The following CCDC69 variants were observed in gnomAD, a reference collection of about 807,000 sequenced individuals.
CCDC69 encodes the protein coiled-coil domain containing 69, also known as coiled-coil domain-containing protein 69.
A neutral mutation model predicts 40.3 loss-of-function variants in CCDC69; 38 were observed. The observed-to-expected ratio is 0.94, with a 90% confidence interval of 0.73 to 1.24. The LOEUF (loss-of-function observed/expected upper bound fraction) is 1.24. Among genes scored for constraint, CCDC69 ranks in the 50% most tolerant of loss-of-function variants. The probability of loss-of-function intolerance (pLI) is 0.00; values close to 1 mark genes in which losing one functional copy is unlikely to be tolerated. For synonymous variants in CCDC69, 141 were observed against 138.9 expected (o/e 1.02, Z -0.11); for missense variants, 389 against 357.9 (o/e 1.09, Z -0.70).
chr5:151,203,581 A>AAT (rs1332926692), intron 2 of CCDC69, among the ~76,000 whole-genome samples: 1 of 143,188 alleles, frequency 7.0e-6, no homozygotes, highest in South Asian at 2.1e-4. Flanking sequence ...ATATATAGTA[A>AAT]ATATATATAT....
intron 5 of CCDC69, among the ~76,000 whole-genome samples, chr5:151,186,920 C>T (rs75942335): frequency 1.3e-5 from 2 of 152,296 alleles, no homozygotes; most frequent in Non-Finnish European, 2.9e-5. Flanking sequence ...TTTCCTTTTT[C>T]CTCCATGTCT....
intron 1 of CCDC69, among the ~76,000 whole-genome samples, chr5:151,209,707 G>A (rs1443754522): frequency 6.6e-6 from 1 of 152,002 alleles, no homozygotes; most frequent in Non-Finnish European, 1.5e-5. Flanking sequence ...AGCCTCCCAA[G>A]TAGCTGGGAC....
chr5:151,221,458 C>T (rs1753133431), intron 1 of CCDC69, among the ~76,000 whole-genome samples: 1 of 152,244 alleles, frequency 6.6e-6, no homozygotes, highest in African/African-American at 2.4e-5. Flanking sequence ...GATGCTCCTA[C>T]TGCTCCCTGG....
chr5:151,221,530 G>T (rs116011358), intron 1 of CCDC69, among the ~76,000 whole-genome samples: 1 of 152,174 alleles, frequency 6.6e-6, no homozygotes, highest in East Asian at 1.9e-4. Context: ...TTAAGCACCT[G>T]CTCCATGATC....
chr5:151,202,190 TAAAAAAAAA>T (rs5872193), intron 2 of CCDC69, among the ~76,000 whole-genome samples: 1 of 111,544 alleles, frequency 9.0e-6, no homozygotes, highest in African/African-American at 3.4e-5. Context: ...ACCCTATCTC[TAAAAAAAAA>T]AAAAAAAAAA....
At chr5:151,216,159 A>G (rs540972950) in intron 1 of CCDC69, among the ~76,000 whole-genome samples, 9 of 152,256 alleles carry the variant, frequency 5.9e-5, no homozygotes, top group African/African-American at 1.9e-4. Context: ...GGGTTTTACC[A>G]TGTTGACCAA....
chr5:151,221,903 G>A (rs546354991), intron 1 of CCDC69, among the ~76,000 whole-genome samples: 1 of 152,376 alleles, frequency 6.6e-6, no homozygotes, highest in South Asian at 2.1e-4. Flanking sequence ...GCACCTGGGT[G>A]AGAAATTGGG....
intron 4 of CCDC69, among the ~76,000 whole-genome samples, chr5:151,188,592 C>A (rs1752560150): frequency 6.7e-6 from 1 of 149,322 alleles, no homozygotes; most frequent in Non-Finnish European, 1.5e-5. Context: ...GCAACAGAGA[C>A]TCTGTCTCCA....
At chr5:151,198,736 T>A (rs1752736156) in intron 4 of CCDC69, 1 of 389,188 alleles carries the variant, frequency 2.6e-6, no homozygotes, top group Non-Finnish European at 4.6e-6. Flanking sequence ...CCTTAATAAA[T>A]ATGGATTGCT....
At chr5:151,212,742 T>C in intron 1 of CCDC69, 1 of 455,780 alleles carries the variant, frequency 2.2e-6, no homozygotes, top group Non-Finnish European at 4.4e-6. Context: ...AGACCTGATA[T>C]TGTCTTCAAA....
rs1265230818 is a variant in CCDC69, at chr5:151,183,548, C to G, written c.780G>C (p.Gln260His). ...ACAGCTCCTCCTTCTCCTGCTGGAG[C>G]TGTCGCCGCAGCTGCACCTCCTTCT... The part of the protein sequence containing the change: ...ALEKEVQLRR[Q>H]LQQEKEELLY... The change falls in exon 9 of 9, where the codon CAG (glutamine) becomes CAC (histidine). Residue 260 changes from glutamine (Q) to histidine (H), a missense_variant. Coordinates refer to ENST00000355417, the MANE Select transcript of CCDC69 (RefSeq NM_015621.3). 6.2e-7 allele frequency: 1 copy of G among 1,611,586 alleles called. No homozygotes were observed. Among genetic ancestry groups the G allele is most frequent in the Non-Finnish European group, 8.5e-7 (1 of 1,179,336 alleles).
rs1177376672 is a variant in CCDC69 at position 151,182,654 on chromosome 5, A to G, written c.*783T>C. On this transcript the variant is annotated 3_prime_UTR_variant, in exon 9 of 9. Transcript: ENST00000355417. ...TAGATGAATGGACTCACAACCACCA[A>G]GCTTGCCCCTGTGCCCAGGTGGCAC... 1 of 245,426 alleles carries G rather than the reference A, an allele frequency of 4.1e-6. No individual in the cohort carries two copies. Among genetic ancestry groups the G allele is most frequent in the African/African-American group, 2.3e-5 (1 of 44,424 alleles). 15.2% of individuals were successfully genotyped at this position (245,426 alleles called of 1,614,324 possible).
intron 4 of CCDC69, among the ~76,000 whole-genome samples, chr5:151,194,992 A>AT (rs1752677763): frequency 1.3e-5 from 2 of 152,146 alleles, no homozygotes; most frequent in Admixed American, 6.5e-5. Flanking sequence ...AATTTAAAAA[A>AT]TAAAAAAAAG....
At chr5:151,186,250 C>A (rs143601201) in intron 5 of CCDC69, 126 bp from the exon 6 acceptor site, 2 of 707,422 alleles carry the variant, frequency 2.8e-6, no homozygotes, top group Non-Finnish European at 2.6e-6. Context: ...CTCTACATGA[C>A]AATGCAACAT....
chr5:151,189,301 C>G (rs929824002), intron 4 of CCDC69, among the ~76,000 whole-genome samples: 6 of 151,500 alleles, frequency 4.0e-5, no homozygotes, highest in Admixed American at 2.0e-4. Context: ...TAAGAAGAAC[C>G]AAAAGGAAAT....
chr5:151,197,160 C>T (rs1449592513), intron 4 of CCDC69, among the ~76,000 whole-genome samples: 4 of 152,188 alleles, frequency 2.6e-5, no homozygotes, highest in African/African-American at 4.8e-5. Flanking sequence ...CGTTTATATG[C>T]GTGTCCAGAA....
At chr5:151,185,389 G>A in intron 7 of CCDC69, 33 bp downstream of exon 7, 1 of 1,612,060 alleles carries the variant, frequency 6.2e-7, no homozygotes, top group South Asian at 1.1e-5. Flanking sequence ...GGGAGCCTGA[G>A]GCTGCATCCC....
chr5:151,195,718 CAA>C (rs765505789), intron 4 of CCDC69, among the ~76,000 whole-genome samples: 3 of 60,476 alleles, frequency 5.0e-5, no homozygotes, highest in Non-Finnish European at 8.7e-5. Flanking sequence ...GACTCCATCT[CAA>C]AAAAAAAAAA....
chr5:151,223,802 G>C, intron 1 of CCDC69, 121 bp downstream of exon 1: 1 of 971,952 alleles, frequency 1.0e-6, no homozygotes, highest in African/African-American at 1.7e-5. Flanking sequence ...GGCCTCTCCA[G>C]GTTCTCCGTC....
Sources: gnomAD v4.1 joint callset for allele counts (sites outside exome capture counted in the v4.1 genomes callset) on GRCh38, gnomAD v4.1.1 for gene constraint, MANE v1.5 for transcripts, NCBI Gene and HGNC (gene_info 2026-07-23, HGNC 2026-07-21) for gene names.